PHACTR1: variants seen among roughly 807,000 people sequenced by gnomAD.
PHACTR1 encodes RPEL repeat containing 1.
In PHACTR1, 16 loss-of-function variants were observed where a neutral mutation model predicts 69.2. That is an observed-to-expected ratio of 0.23 (90% CI 0.16 to 0.35). PHACTR1 has a LOEUF of 0.35. Ranked by LOEUF, PHACTR1 falls within the 10% of genes least tolerant of loss-of-function variation. The pLI, the probability that PHACTR1 is intolerant of heterozygous loss-of-function variation, is 1.00. For synonymous variants in PHACTR1, 312 were observed against 284.5 expected (o/e 1.10, Z -0.97); for missense variants, 510 against 734.7 (o/e 0.69, Z 3.54).
intron 4 of PHACTR1, among the ~76,000 whole-genome samples, chr6:12,943,415 ATAT>A (rs1790256998): frequency 6.6e-6 from 1 of 152,168 alleles, no homozygotes. Flanking sequence ...GTTGATGAAA[ATAT>A]TATAGCACTA....
chr6:13,230,438 C>A, intron 10 of PHACTR1: 1 of 783,212 alleles, frequency 1.3e-6, no homozygotes, highest in Non-Finnish European at 1.8e-6. Context: ...CCCAGCTACT[C>A]GGGAGGCTGA....
At chr6:12,936,713 A>G (rs1224830518) in intron 4 of PHACTR1, among the ~76,000 whole-genome samples, 1 of 152,260 alleles carries the variant, frequency 6.6e-6, no homozygotes, top group Non-Finnish European at 1.5e-5. Context: ...GCAGGAGGAC[A>G]AGGCAGGAGA....
intron 4 of PHACTR1, among the ~76,000 whole-genome samples, chr6:12,943,524 A>G (rs527655231): frequency 6.6e-6 from 1 of 152,374 alleles, no homozygotes; most frequent in Admixed American, 6.5e-5. Context: ...ACATATGTGT[A>G]TTCTGCCACA....
intron 4 of PHACTR1, among the ~76,000 whole-genome samples, chr6:12,782,947 A>G (rs1200670437): frequency 6.6e-6 from 1 of 152,256 alleles, no homozygotes; most frequent in Non-Finnish European, 1.5e-5. Context: ...TGTTCAACCT[A>G]TATTATTCCT....
At chr6:12,905,225 G>A (rs1228253798) in intron 4 of PHACTR1, among the ~76,000 whole-genome samples, 1 of 152,186 alleles carries the variant, frequency 6.6e-6, no homozygotes, top group African/African-American at 2.4e-5. Flanking sequence ...AGCTAACGGG[G>A]TGCAGGACCA....
intron 5 of PHACTR1, among the ~76,000 whole-genome samples, chr6:13,155,340 T>A (rs1758019799): frequency 6.6e-6 from 1 of 152,184 alleles, no homozygotes; most frequent in African/African-American, 2.4e-5. Context: ...GGGGATCCAC[T>A]ATCTCATCTC....
At chr6:13,153,061 T>C (rs2113468082) in intron 5 of PHACTR1, among the ~76,000 whole-genome samples, 1 of 152,286 alleles carries the variant, frequency 6.6e-6, no homozygotes, top group African/African-American at 2.4e-5. Flanking sequence ...GACTGTGGGC[T>C]CTGAATAGAT....
chr6:13,027,483 C>A (rs1801859577), intron 4 of PHACTR1, among the ~76,000 whole-genome samples: 1 of 152,122 alleles, frequency 6.6e-6, no homozygotes, highest in African/African-American at 2.4e-5. Context: ...GCTCTTCCTA[C>A]CAACACTTCT....
intron 4 of PHACTR1, among the ~76,000 whole-genome samples, chr6:12,947,312 G>A (rs1235948027): frequency 6.7e-6 from 1 of 150,234 alleles, no homozygotes; most frequent in Non-Finnish European, 1.5e-5. Flanking sequence ...GGCTTCCCAA[G>A]TATAACCTGA....
intron 4 of PHACTR1, among the ~76,000 whole-genome samples, chr6:13,004,122 T>G (rs990054380): frequency 1.3e-5 from 2 of 151,440 alleles, no homozygotes; most frequent in African/African-American, 4.9e-5. Context: ...TTATTTTCCT[T>G]TGTGTATACA....
At chr6:13,237,410 T>C (rs1392184579) in intron 10 of PHACTR1, among the ~76,000 whole-genome samples, 1 of 152,106 alleles carries the variant, frequency 6.6e-6, no homozygotes, top group African/African-American at 2.4e-5. Flanking sequence ...AAATATATAT[T>C]TGTGGACTGA....
chr6:12,770,441 A>C (rs1295744329), intron 4 of PHACTR1, among the ~76,000 whole-genome samples: 1 of 152,138 alleles, frequency 6.6e-6, no homozygotes, highest in Non-Finnish European at 1.5e-5. Context: ...AGAGTGAGGG[A>C]TCTTTAGACA....
intron 4 of PHACTR1, among the ~76,000 whole-genome samples, chr6:12,904,505 G>C (rs1785520578): frequency 6.7e-6 from 1 of 150,218 alleles, no homozygotes; most frequent in Non-Finnish European, 1.5e-5. Context: ...CTGCACTCCA[G>C]CCTGGGCAGC....
intron 4 of PHACTR1, among the ~76,000 whole-genome samples, chr6:12,942,791 G>A (rs763912068): frequency 8.5e-5 from 13 of 152,312 alleles, no homozygotes; most frequent in Non-Finnish European, 1.6e-4. Context: ...AGCTAGTGGA[G>A]AAATGAATCA....
chr6:12,865,453 A>G (rs904753208), intron 4 of PHACTR1, among the ~76,000 whole-genome samples: 1 of 114,282 alleles, frequency 8.8e-6, no homozygotes, highest in Non-Finnish European at 2.0e-5. Flanking sequence ...GTAATTGTTT[A>G]ATGGGTGTGT....
intron 4 of PHACTR1, among the ~76,000 whole-genome samples, chr6:13,010,328 A>G (rs1413937114): frequency 6.6e-6 from 1 of 152,092 alleles, no homozygotes; most frequent in Non-Finnish European, 1.5e-5. Flanking sequence ...GGGTTTCACC[A>G]TGTTGGCCAG....
rs145042072 is a variant in PHACTR1 at position 13,136,503 on chromosome 6, T to C, written c.416-23701T>C. The stretch of plus-strand genomic sequence containing the variant: ...ATCCAAACTATTTAGACTTTCTCCA[T>C]ATCAGCAACAAGGCTGTTTCACTTG... On this transcript the variant is annotated intron_variant, in intron 5 of 14. Transcript: ENST00000332995. 1.5e-3 allele frequency among the ~76,000 whole-genome samples: 227 copies of C among 152,378 alleles called. 1 individual carries two copies. The highest frequency in any genetic ancestry group is 2.8e-3 in the Non-Finnish European group (191 of 68,040).
chr6:13,185,640 C>T (rs1762741208), intron 7 of PHACTR1, among the ~76,000 whole-genome samples: 1 of 152,216 alleles, frequency 6.6e-6, no homozygotes, highest in African/African-American at 2.4e-5. Flanking sequence ...AATTGTACTT[C>T]ACTGCACTTT....
chr6:12,753,674 G>T (rs1766889979), intron 4 of PHACTR1, among the ~76,000 whole-genome samples: 1 of 152,124 alleles, frequency 6.6e-6, no homozygotes, highest in African/African-American at 2.4e-5. Flanking sequence ...TTTTGGTTCT[G>T]GATGTCCACC....
Sources: allele counts gnomAD v4.1 joint callset (sites outside exome capture counted in the v4.1 genomes callset), GRCh38; gene constraint gnomAD v4.1.1; transcripts MANE v1.5; gene names NCBI Gene and HGNC (gene_info 2026-07-23, HGNC 2026-07-21).